Variants in CCSER1 observed in about 807,000 individuals in gnomAD.
The protein encoded by CCSER1 is serine-rich coiled-coil domain-containing protein 1.
In CCSER1, 41 loss-of-function variants were observed where a neutral mutation model predicts 82.0. That is an observed-to-expected ratio of 0.50 (90% CI 0.39 to 0.65). The LOEUF (loss-of-function observed/expected upper bound fraction) is 0.65. Among genes scored for constraint, CCSER1 ranks in the 30% least tolerant of loss-of-function variants. The pLI is 0.00. For missense variants in CCSER1, 1,119 were observed against 1,064.2 expected (o/e 1.05, Z -0.72); for synonymous variants, 414 against 383.9 (o/e 1.08, Z -0.92).
intron 4 of CCSER1, among the ~76,000 whole-genome samples, chr4:90,463,432 TAAC>T (rs1199305540): frequency 1.3e-5 from 2 of 152,192 alleles, no homozygotes; most frequent in Non-Finnish European, 2.9e-5. Context: ...ATGACAGTAA[TAAC>T]AATATGCCAT....
At chr4:91,391,366 TCATGG>T (rs1751639706) in intron 10 of CCSER1, among the ~76,000 whole-genome samples, 2 of 152,190 alleles carry the variant, frequency 1.3e-5, no homozygotes, top group South Asian at 4.1e-4. Flanking sequence ...AGTGGCACGA[TCATGG>T]CTCAGTGCAG....
At chr4:90,814,170 T>C (rs1758705518) in intron 7 of CCSER1, among the ~76,000 whole-genome samples, 1 of 152,196 alleles carries the variant, frequency 6.6e-6, no homozygotes, top group African/African-American at 2.4e-5. Flanking sequence ...TTGGCCCCTA[T>C]TAGCCATGAC....
At chr4:90,928,243 A>G (rs1249837862) in intron 9 of CCSER1, among the ~76,000 whole-genome samples, 4 of 152,074 alleles carry the variant, frequency 2.6e-5, no homozygotes, top group Admixed American at 6.6e-5. Context: ...ATTAAAGATA[A>G]CTTTTAGATA....
At chr4:90,843,245 A>G (rs1410535247) in intron 8 of CCSER1, among the ~76,000 whole-genome samples, 11 of 151,438 alleles carry the variant, frequency 7.3e-5, no homozygotes, top group Admixed American at 7.2e-4. Context: ...GAAAAAAAAA[A>G]GTGTGTGTAA....
chr4:90,248,248 C>A (rs993403084), intron 1 of CCSER1, among the ~76,000 whole-genome samples: 2 of 152,030 alleles, frequency 1.3e-5, no homozygotes, highest in African/African-American at 4.8e-5. Flanking sequence ...TTTCCTAGGG[C>A]GTGTCACACA....
chr4:90,831,297 A>G (rs1761081270), intron 8 of CCSER1, among the ~76,000 whole-genome samples: 1 of 152,170 alleles, frequency 6.6e-6, no homozygotes, highest in South Asian at 2.1e-4. Flanking sequence ...GTGAAGAATA[A>G]TAGGTACTGT....
chr4:90,794,024 G>GT, intron 7 of CCSER1, among the ~76,000 whole-genome samples: 1 of 152,188 alleles, frequency 6.6e-6, no homozygotes, highest in Non-Finnish European at 1.5e-5. Context: ...TTTTTGTCTT[G>GT]TAAGTTTGTT....
At chr4:91,189,507 T>C (rs1560504768) in intron 10 of CCSER1, among the ~76,000 whole-genome samples, 1 of 152,178 alleles carries the variant, frequency 6.6e-6, no homozygotes. Context: ...GAGAAAGTTA[T>C]TCTGTATGAC....
At position 90,127,797 on chromosome 4, in the gene CCSER1, G is replaced by A. The variant is rs1035236809; in HGVS notation, c.-76G>A. On this transcript the variant is annotated 5_prime_UTR_variant, in exon 1 of 11. Transcript: ENST00000509176. ...CGAAGACATAAATCCCTGAGTGCCC[G>A]GGAGGAGCCTTAACAAGCGCACGGA... 1.3e-5 allele frequency: 2 copies of A among 152,406 alleles called. No individual in the cohort carries two copies. The highest frequency in any genetic ancestry group is 2.9e-5 in the Non-Finnish European group (2 of 68,182). The allele number at this position is 152,406 out of a possible 1,614,324, so 9.4% of individuals were successfully genotyped here.
At chr4:90,281,230 T>C (rs1387066658) in intron 1 of CCSER1, among the ~76,000 whole-genome samples, 3 of 152,024 alleles carry the variant, frequency 2.0e-5, no homozygotes, top group African/African-American at 7.2e-5. Flanking sequence ...CACTTATATG[T>C]GGGAGCTAAA....
intron 9 of CCSER1, among the ~76,000 whole-genome samples, chr4:90,949,510 C>T (rs1732656312): frequency 6.6e-6 from 1 of 151,878 alleles, no homozygotes; most frequent in African/African-American, 2.4e-5. Flanking sequence ...GGGGCAACAC[C>T]ATCTAAGAAT....
In CCSER1 at chr4:90,876,549, A is replaced by C. The variant is rs571483833; in HGVS notation, c.2095-46821A>C. On this transcript the variant is annotated intron_variant, in intron 8 of 10. Coordinates refer to ENST00000509176, the MANE Select transcript of CCSER1 (RefSeq NM_001145065.2). Reference sequence around the variant, plus strand: ...TTTCAAAAACAAAATGAGAACCCAAATATCTCTGAGAGTTTGCTCTCACAA... The same window carrying C: ...TTTCAAAAACAAAATGAGAACCCAACTATCTCTGAGAGTTTGCTCTCACAA... Among the ~76,000 whole-genome samples the C allele has an allele frequency of 7.9e-5, 12 of 152,230 alleles. No homozygotes were observed. In the South Asian group the frequency reaches 2.3e-3, roughly 29 times the overall value.
intron 3 of CCSER1, among the ~76,000 whole-genome samples, chr4:90,352,152 G>T (rs981567191): frequency 2.0e-5 from 3 of 151,936 alleles, no homozygotes; most frequent in Admixed American, 2.0e-4. Context: ...GTGAAACCCC[G>T]TCTGTACTAA....
chr4:91,187,192 C>G (rs78781788), intron 10 of CCSER1, among the ~76,000 whole-genome samples: 1,795 of 152,312 alleles, frequency 0.012, 36 homozygotes, highest in African/African-American at 0.04. Context: ...AAATGAAACC[C>G]GTACCTCAGT....
intron 10 of CCSER1, among the ~76,000 whole-genome samples, chr4:91,594,612 C>T (rs1056450095): frequency 6.6e-6 from 1 of 151,710 alleles, no homozygotes; most frequent in Non-Finnish European, 1.5e-5. Flanking sequence ...TACTTCTAAA[C>T]ATATTCCAAA....
At chr4:91,152,265 A>C (rs1257758572) in intron 10 of CCSER1, among the ~76,000 whole-genome samples, 1 of 151,998 alleles carries the variant, frequency 6.6e-6, no homozygotes, top group Non-Finnish European at 1.5e-5. Flanking sequence ...TGTTCTTTTA[A>C]AGTCTGTTTT....
chr4:90,257,110 T>C (rs1448514297), intron 1 of CCSER1, among the ~76,000 whole-genome samples: 1 of 151,970 alleles, frequency 6.6e-6, no homozygotes, highest in Non-Finnish European at 1.5e-5. Context: ...AGTGGTGGTC[T>C]TAACAGCAGA....
intron 10 of CCSER1, among the ~76,000 whole-genome samples, chr4:91,370,741 T>G (rs1385984807): frequency 6.6e-6 from 1 of 151,962 alleles, no homozygotes; most frequent in Non-Finnish European, 1.5e-5. Context: ...GGGTACATAG[T>G]GTTTATATTT....
At chr4:90,923,074 A>G (rs1209721640) in intron 8 of CCSER1, among the ~76,000 whole-genome samples, 2 of 152,202 alleles carry the variant, frequency 1.3e-5, no homozygotes, top group Admixed American at 6.6e-5. Flanking sequence ...GATAACAGGA[A>G]ACAAAGCATA....
Sources: gnomAD v4.1 joint callset for allele counts (sites outside exome capture counted in the v4.1 genomes callset) on GRCh38, gnomAD v4.1.1 for gene constraint, MANE v1.5 for transcripts, NCBI Gene and HGNC (gene_info 2026-07-23, HGNC 2026-07-21) for gene names.